REV3L: variants seen among roughly 807,000 people sequenced by gnomAD.
The protein encoded by REV3L is DNA polymerase zeta catalytic subunit.
In REV3L, 69 loss-of-function variants were observed where a neutral mutation model predicts 299.4. The ratio of observed to expected loss-of-function variants is 0.23; its 90% CI spans 0.19 to 0.28. REV3L has a LOEUF of 0.28. REV3L is among the 10% of genes least tolerant of loss of function. REV3L has a pLI of 1.00. For missense variants in REV3L, 3,128 were observed against 3,693.8 expected, an observed-to-expected ratio of 0.85 and a Z score of 3.97; for synonymous variants, 1,238 against 1,271.4, an observed-to-expected ratio of 0.97 and a Z score of 0.56.
intron 1 of REV3L, among the ~76,000 whole-genome samples, chr6:111,464,712 G>A (rs1173099302): frequency 6.6e-6 from 1 of 151,982 alleles, no homozygotes; most frequent in Admixed American, 6.6e-5. Context: ...TTCCAAAAAG[G>A]AAAACAGGGC....
intron 1 of REV3L, among the ~76,000 whole-genome samples, chr6:111,432,126 G>C (rs1282929982): frequency 1.3e-5 from 2 of 152,082 alleles, no homozygotes; most frequent in African/African-American, 4.8e-5. Flanking sequence ...CACAAAGGAA[G>C]ACAGTAAGAA....
chr6:111,427,745 A>T (rs1183223094), intron 1 of REV3L, among the ~76,000 whole-genome samples: 1 of 152,150 alleles, frequency 6.6e-6, no homozygotes, highest in Non-Finnish European at 1.5e-5. Context: ...TTGGCAAGAG[A>T]CCTATCCCTG....
upstream of REV3L, chr6:111,483,528 G>C (rs747444702): frequency 1.6e-5 from 8 of 513,916 alleles, no homozygotes; most frequent in East Asian, 3.3e-4. Flanking sequence ...CTTGCGGGAG[G>C]GGGGCGCCAG....
At chr6:111,411,367 G>A in intron 3 of REV3L, 113 bp downstream of exon 3, 1 of 694,420 alleles carries the variant, frequency 1.4e-6, no homozygotes, top group Non-Finnish European at 2.5e-6. Flanking sequence ...GTATTTTACG[G>A]TCTCTGTCTT....
rs141825447 is a variant in REV3L at position 111,374,351 on chromosome 6, T to C, written c.4004A>G (p.Asn1335Ser). 6.9e-4 allele frequency: 1,120 copies of C among 1,614,026 alleles called. 2 individuals carry two copies. The highest frequency in any genetic ancestry group is 1.5e-3 in the Middle Eastern group (9 of 6,062). Residue 1335 changes from asparagine to serine, a missense_variant, in exon 13 of 32, where the codon AAT becomes AGT. This residue lies in a region of REV3L where 2,409 missense variants were observed against 2,611.8 expected (regional missense o/e 0.92). Coordinates refer to ENST00000368802, the MANE Select transcript of REV3L (RefSeq NM_001372078.1). ...ACTTTGATTATGAGGCCTTTGAACA[T>C]TAATTTTTGAGACTCCAGGTCCTAT... The part of the protein sequence containing the change: ...NSIGPGVSKI[N>S]VQRPHNQSAM...
chr6:111,327,412 G>A (rs1019380634), intron 25 of REV3L, among the ~76,000 whole-genome samples: 2 of 152,032 alleles, frequency 1.3e-5, no homozygotes, highest in Non-Finnish European at 2.9e-5. Flanking sequence ...AAACTTAACT[G>A]GGCATAGAGG....
chr6:111,480,939 A>G (rs1793560040), intron 1 of REV3L, among the ~76,000 whole-genome samples: 1 of 151,680 alleles, frequency 6.6e-6, no homozygotes, highest in African/African-American at 2.4e-5. Context: ...TATTCAGGAA[A>G]ACAACAGTAT....
intron 11 of REV3L, among the ~76,000 whole-genome samples, chr6:111,379,310 T>C (rs1196653944): frequency 4.6e-5 from 7 of 152,186 alleles, no homozygotes; most frequent in African/African-American, 1.7e-4. Context: ...TGGCTTTGGG[T>C]TGGAAATTTC....
intron 17 of REV3L, 128 bp from the exon 18 acceptor site, chr6:111,357,253 C>T (rs1778185397): frequency 3.0e-6 from 1 of 338,678 alleles, no homozygotes; most frequent in South Asian, 1.5e-4. Flanking sequence ...ATTAAGAAAA[C>T]ATCTCCCCAA....
chr6:111,472,737 T>C (rs1562367396), intron 1 of REV3L, among the ~76,000 whole-genome samples: 1 of 152,078 alleles, frequency 6.6e-6, no homozygotes, highest in Non-Finnish European at 1.5e-5. Context: ...AAATGAAATA[T>C]TTAAAAACCC....
At chr6:111,308,089 T>A in intron 30 of REV3L, 1 of 319,118 alleles carries the variant, frequency 3.1e-6, no homozygotes, top group Middle Eastern at 1.1e-3. Flanking sequence ...TCCAGCTTCA[T>A]CCATGTCCCT....
chr6:111,408,639 A>G (rs1783905541), intron 3 of REV3L, among the ~76,000 whole-genome samples: 1 of 151,126 alleles, frequency 6.6e-6, no homozygotes, highest in African/African-American at 2.4e-5. Context: ...AAACAAAACA[A>G]AACAAAACAA....
rs535127390 is a variant in REV3L, at chr6:111,310,123, C to A, written c.8796-24G>T. On this transcript the variant is annotated intron_variant, in intron 29 of 31. Transcript: ENST00000368802. ...TCCTATTCGAATTCAAAGAAAAAAA[C>A]CACACCCAAATACTGTTATGGAAGC... is the stretch of plus-strand genomic sequence containing the variant. 2.3e-5 allele frequency: 34 copies of A among 1,505,970 alleles called. No homozygotes were observed. In the South Asian group the frequency reaches 4.0e-4, roughly 18 times the overall value. The allele number at this position is 1,505,970 out of a possible 1,614,324, so 93.3% of individuals were successfully genotyped here.
intron 1 of REV3L, among the ~76,000 whole-genome samples, chr6:111,460,815 C>T (rs1790678907): frequency 6.6e-6 from 1 of 151,990 alleles, no homozygotes; most frequent in Non-Finnish European, 1.5e-5. Flanking sequence ...GATATTTAAT[C>T]GACAAGGGAC....
At chr6:111,386,157 T>A (rs1781324086) in intron 9 of REV3L, among the ~76,000 whole-genome samples, 1 of 152,178 alleles carries the variant, frequency 6.6e-6, no homozygotes, top group South Asian at 2.1e-4. Flanking sequence ...CTCTTCTACA[T>A]GTGTTTGGTA....
chr6:111,325,127 C>T (rs569608733), intron 25 of REV3L, among the ~76,000 whole-genome samples: 3 of 152,310 alleles, frequency 2.0e-5, no homozygotes, highest in African/African-American at 7.2e-5. Flanking sequence ...TCCCAAAGTG[C>T]TGGGATTACA....
intron 1 of REV3L, among the ~76,000 whole-genome samples, chr6:111,465,934 T>C (rs1240784377): frequency 6.6e-6 from 1 of 152,116 alleles, no homozygotes; most frequent in African/African-American, 2.4e-5. Flanking sequence ...TGAATTAGTC[T>C]TTTTATATTG....
chr6:111,429,458 AC>A (rs1345008943), intron 1 of REV3L, among the ~76,000 whole-genome samples: 2 of 152,304 alleles, frequency 1.3e-5, no homozygotes, highest in East Asian at 3.9e-4. Context: ...AAGGTATAAA[AC>A]CCACTGGTAA....
chr6:111,469,234 T>C (rs1791886288), intron 1 of REV3L, among the ~76,000 whole-genome samples: 1 of 152,168 alleles, frequency 6.6e-6, no homozygotes, highest in Admixed American at 6.5e-5. Flanking sequence ...TATCTGCTGC[T>C]CACCTCTTGA....
Sources: gnomAD v4.1 joint callset for allele counts (sites outside exome capture counted in the v4.1 genomes callset) on GRCh38, gnomAD v4.1.1 for gene constraint, gnomAD v4.1.1 regional missense constraint, MANE v1.5 for transcripts, NCBI Gene and HGNC (gene_info 2026-07-23, HGNC 2026-07-21) for gene names.